CRACR2A: variants seen among roughly 807,000 people sequenced by gnomAD.
The protein encoded by CRACR2A is calcium release activated channel regulator 2A.
CRACR2A carries 79 observed loss-of-function variants against 90.5 expected under a neutral mutation model. That is an observed-to-expected ratio of 0.87 (90% CI 0.73 to 1.05). CRACR2A has a LOEUF of 1.05. CRACR2A is among the 50% of genes least tolerant of loss of function. The probability of loss-of-function intolerance (pLI) is 0.00; values close to 1 mark genes in which losing one functional copy is unlikely to be tolerated. For synonymous variants in CRACR2A, 338 were observed against 356.7 expected (o/e 0.95, Z 0.59); for missense variants, 823 against 897.2 (o/e 0.92, Z 1.06).
intron 1 of CRACR2A, among the ~76,000 whole-genome samples, chr12:3,750,931 C>A (rs1483625988): frequency 6.6e-6 from 1 of 152,214 alleles, no homozygotes; most frequent in East Asian, 1.9e-4. Flanking sequence ...CCAATCACCC[C>A]CCACACCTGG....
chr12:3,666,364 T>TGTGTGTGTGTGTGTGCGCGCGC (rs765943563), intron 7 of CRACR2A, among the ~76,000 whole-genome samples: 1 of 149,498 alleles, frequency 6.7e-6, no homozygotes, highest in African/African-American at 2.5e-5. Context: ...TGCGTGCGTG[T>TGTGTGTGTGTGTGTGCGCGCGC]GCGCGTGCGC....
At chr12:3,641,693 T>G in intron 13 of CRACR2A, 39 bp downstream of exon 13, 1 of 1,534,622 alleles carries the variant, frequency 6.5e-7, no homozygotes, top group Non-Finnish European at 8.8e-7. Context: ...CCAATGAGCC[T>G]GAGAGGAATG....
chr12:3,637,314 AT>A, intron 14 of CRACR2A, among the ~76,000 whole-genome samples: 1 of 152,366 alleles, frequency 6.6e-6, no homozygotes, highest in Non-Finnish European at 1.5e-5. Flanking sequence ...AGGAAATTGT[AT>A]GCGAGGAGCT....
intron 3 of CRACR2A, among the ~76,000 whole-genome samples, chr12:3,704,531 A>G (rs902138404): frequency 7.2e-5 from 11 of 152,318 alleles, no homozygotes; most frequent in African/African-American, 2.6e-4. Context: ...AATGTATATT[A>G]AAACTGATCA....
At chr12:3,714,684 G>A (rs1012712998) in intron 2 of CRACR2A, among the ~76,000 whole-genome samples, 12 of 152,154 alleles carry the variant, frequency 7.9e-5, no homozygotes, top group African/African-American at 2.9e-4. Context: ...TTACTACAAT[G>A]CATTATTTTG....
intron 4 of CRACR2A, among the ~76,000 whole-genome samples, chr12:3,689,012 T>C (rs1048492579): frequency 1.3e-5 from 2 of 152,170 alleles, no homozygotes; most frequent in Admixed American, 1.3e-4. Context: ...TGGCTGTTGT[T>C]GGTGTATAGG....
chr12:3,716,357 T>C (rs73247821), intron 2 of CRACR2A, among the ~76,000 whole-genome samples: 4 of 152,224 alleles, frequency 2.6e-5, no homozygotes, highest in Admixed American at 6.5e-5. Context: ...AGGGTCTTGA[T>C]CCCACTTGTT....
Position 3,615,449 on chromosome 12 carries a change from G to A in CRACR2A, c.2112-10C>T. ...TTGCTCCTTGAGGAACCTGGGAGAG[G>A]GGAAGAGATCGTGTCAGTGATGGAG... is the stretch of plus-strand genomic sequence containing the variant. On this transcript the variant is annotated splice_polypyrimidine_tract_variant and intron_variant, in intron 19 of 19. Transcript: ENST00000440314. 1 of 1,547,180 alleles carries A rather than the reference G, an allele frequency of 6.5e-7. No homozygotes were observed. Among genetic ancestry groups the A allele is most frequent in the Non-Finnish European group, 8.7e-7 (1 of 1,144,354 alleles).
rs2137767988 is a variant in CRACR2A, at chr12:3,711,107, T to C, written c.-37+2130A>G. ...AGTCCAAAATCTCATGTAAATATCA[T>C]GTAAATTAGATATGGTTGAGACTCG... is the stretch of plus-strand genomic sequence containing the variant. On this transcript the variant is annotated intron_variant, in intron 3 of 19. Transcript: ENST00000440314. This position sits in a 1 kb window ranked among gnomAD's most constrained non-coding sequence, Gnocchi z 4.3. Among the ~76,000 whole-genome samples, 1 of 152,344 alleles carries C rather than the reference T, an allele frequency of 6.6e-6. No homozygotes were observed.
intron 12 of CRACR2A, among the ~76,000 whole-genome samples, chr12:3,643,779 TTA>T (rs981532365): frequency 1.3e-4 from 15 of 113,710 alleles, no homozygotes; most frequent in Admixed American, 5.1e-4. Flanking sequence ...TATATATAGT[TTA>T]TATATATATT....
chr12:3,661,144 C>T (rs1305258331), intron 7 of CRACR2A, among the ~76,000 whole-genome samples: 1 of 152,160 alleles, frequency 6.6e-6, no homozygotes, highest in Non-Finnish European at 1.5e-5. Context: ...TTGCCACAGC[C>T]CAATTTCTGT....
rs1394795016 is a variant in CRACR2A, at chr12:3,711,606, C to T, written c.-37+1631G>A. On this transcript the variant is annotated intron_variant, in intron 3 of 19. Coordinates refer to ENST00000440314, the MANE Select transcript of CRACR2A (RefSeq NM_001144958.2). The surrounding 1 kb of genome is among the most constrained non-coding windows in gnomAD (Gnocchi z 4.3). ...GTGTACTGTTCAGGATGACTTACAT[C>T]TTCTTTAAGATTGAGGCCTTCTCTA... Among the ~76,000 whole-genome samples, 1 of 151,660 alleles carries T rather than the reference C, an allele frequency of 6.6e-6. No homozygotes were observed. The highest frequency in any genetic ancestry group is 2.4e-5 in the African/African-American group (1 of 41,180).
chr12:3,681,757 C>T (rs1945458538), intron 4 of CRACR2A, among the ~76,000 whole-genome samples: 1 of 152,190 alleles, frequency 6.6e-6, no homozygotes, highest in South Asian at 2.1e-4. Flanking sequence ...AAGCCCATAA[C>T]ATAATTGGCA....
chr12:3,690,300 C>T (rs1384132851), intron 4 of CRACR2A, among the ~76,000 whole-genome samples: 2 of 152,124 alleles, frequency 1.3e-5, no homozygotes, highest in East Asian at 3.8e-4. Flanking sequence ...GCATTTAGTG[C>T]TATAAATTTA....
At position 3,722,234 on chromosome 12, in the gene CRACR2A, G is replaced by T. The variant is rs146284687; in HGVS notation, c.-117-8917C>A. ...AACAGGGTTATTCCTTATTTTGCAG[G>T]TTATAAGGAGTCATCAAGGGTTCCA... On this transcript the variant is annotated intron_variant, in intron 2 of 19. Coordinates refer to ENST00000440314, the MANE Select transcript of CRACR2A (RefSeq NM_001144958.2). Among the ~76,000 whole-genome samples the T allele has an allele frequency of 4.0e-3, 605 of 152,286 alleles. 4 individuals carry two copies. Among genetic ancestry groups the T allele is most frequent in the Middle Eastern group, 0.031 (9 of 294 alleles).
At chr12:3,737,711 G>A (rs1266734584) in intron 1 of CRACR2A, among the ~76,000 whole-genome samples, 1 of 152,162 alleles carries the variant, frequency 6.6e-6, no homozygotes, top group Non-Finnish European at 1.5e-5. Context: ...GGGGGAAGGA[G>A]CAGTTGAGGC....
chr12:3,717,708 C>T (rs138033525), intron 2 of CRACR2A, among the ~76,000 whole-genome samples: 305 of 152,324 alleles, frequency 2.0e-3, no homozygotes, highest in Non-Finnish European at 3.2e-3. Context: ...TCAAAGATTA[C>T]GCTATCTTAT....
At chr12:3,720,628 G>T (rs757486272) in intron 2 of CRACR2A, among the ~76,000 whole-genome samples, 1 of 152,170 alleles carries the variant, frequency 6.6e-6, no homozygotes, top group African/African-American at 2.4e-5. Context: ...GCATTGACCT[G>T]TGGCGTGCTG....
Position 3,666,330 on chromosome 12 carries a change from C to CGTGTGTGTGTGTGTGT in CRACR2A, c.672-6692_672-6677dup, listed in dbSNP as rs750488682. Among the ~76,000 whole-genome samples the CGTGTGTGTGTGTGTGT allele has an allele frequency of 8.6e-3, 1,201 of 139,616 alleles. 14 individuals carry two copies. Among genetic ancestry groups the CGTGTGTGTGTGTGTGT allele is most frequent in the African/African-American group, 0.025 (951 of 37,602 alleles). The allele number at this position is 139,616 out of a possible 152,430, so 91.6% of individuals were successfully genotyped here. On this transcript the variant is annotated intron_variant, in intron 7 of 19. Transcript: ENST00000440314. ...AATGTCCCTCCCTAAAGGACGGCTG[C>CGTGTGTGTGTGTGTGT]GTGTGTGTGTGTGTGTGTGTGTGTG... is the stretch of plus-strand genomic sequence containing the variant.
Sources: gnomAD v4.1 joint callset for allele counts (sites outside exome capture counted in the v4.1 genomes callset) on GRCh38, gnomAD v4.1.1 for gene constraint, Gnocchi (gnomAD v3.1) non-coding constraint, MANE v1.5 for transcripts, NCBI Gene and HGNC (gene_info 2026-07-23, HGNC 2026-07-21) for gene names.